OTOF: variants seen among roughly 807,000 people sequenced by gnomAD.
OTOF encodes fer-1-like family member 2.
A neutral mutation model predicts 236.8 loss-of-function variants in OTOF; 218 were observed. The observed-to-expected ratio is 0.92, with a 90% CI of 0.82 to 1.03. The LOEUF (loss-of-function observed/expected upper bound fraction) is 1.03. Among genes scored for constraint, OTOF ranks in the 50% least tolerant of loss-of-function variants. OTOF has a pLI of 0.00. For missense variants in OTOF, 2,590 were observed against 2,694.4 expected, an observed-to-expected ratio of 0.96 and a Z score of 0.86; for synonymous variants, 1,041 against 1,072.5, an observed-to-expected ratio of 0.97 and a Z score of 0.57.
chr2:26,527,796 C>G, intron 3 of OTOF, 36 bp downstream of exon 3: 1 of 1,491,464 alleles, frequency 6.7e-7, no homozygotes, highest in Non-Finnish European at 9.4e-7. Context: ...CCCAGCCCGT[C>G]CAGGCCCAGC....
rs746103191 is a variant in OTOF at position 26,477,534 on chromosome 2, C to T, written c.2316-28G>A. On this transcript the variant is annotated intron_variant, in intron 19 of 46. Coordinates refer to ENST00000272371, the MANE Select transcript of OTOF (RefSeq NM_194248.3). The surrounding 1 kb of genome is among the most constrained non-coding windows in gnomAD (Gnocchi z 4.7). ...GGGGGTAGGGCGAGCCGGGGTTTAGCGAGCCTGACCAGCAGGGGCTCTGTA... is the reference window on the plus strand; with the variant it reads ...GGGGGTAGGGCGAGCCGGGGTTTAGTGAGCCTGACCAGCAGGGGCTCTGTA... 11 of 1,595,796 alleles carry T rather than the reference C, an allele frequency of 6.9e-6. No homozygotes were observed. The highest frequency in any genetic ancestry group is 4.5e-5 in the East Asian group (2 of 44,246).
intron 3 of OTOF, among the ~76,000 whole-genome samples, chr2:26,521,386 G>A (rs1666673549): frequency 6.6e-6 from 1 of 152,180 alleles, no homozygotes; most frequent in Non-Finnish European, 1.5e-5. Flanking sequence ...ACACTCCCAG[G>A]GGGCAGGGTG....
rs754744747 is a variant in OTOF at position 26,470,051 on chromosome 2, G to A, written c.4023+542C>T. On this transcript the variant is annotated intron_variant, in intron 32 of 46. Transcript: ENST00000272371. The surrounding 1 kb of genome is among the most constrained non-coding windows in gnomAD (Gnocchi z 4.3). Reference sequence around the variant, plus strand: ...GTGTAATAGGGGAAGAATCATTCACGTGCCGATGACCAAGATGTGTAAAAT... The same window carrying A: ...GTGTAATAGGGGAAGAATCATTCACATGCCGATGACCAAGATGTGTAAAAT... Among the ~76,000 whole-genome samples, 1 of 152,212 alleles carries A rather than the reference G, an allele frequency of 6.6e-6. No homozygotes were observed. Among genetic ancestry groups the A allele is most frequent in the African/African-American group, 2.4e-5 (1 of 41,454 alleles).
chr2:26,463,907 T>C (rs926293878), intron 40 of OTOF, 57 bp downstream of exon 40: 2 of 1,609,668 alleles, frequency 1.2e-6, no homozygotes, highest in African/African-American at 2.7e-5. Context: ...TGACTCAGGT[T>C]GGGGATCCCT....
chr2:26,516,386 C>G, intron 5 of OTOF, 32 bp downstream of exon 5: 3 of 1,600,572 alleles, frequency 1.9e-6, no homozygotes, highest in Non-Finnish European at 2.6e-6. Context: ...GTCTTGGGAG[C>G]AGTGGGCAGC....
At chr2:26,539,804 A>G (rs2148125071) in intron 1 of OTOF, among the ~76,000 whole-genome samples, 1 of 152,320 alleles carries the variant, frequency 6.6e-6, no homozygotes. Context: ...AAGATATTGA[A>G]AGCAGCATAC....
At chr2:26,494,664 G>GC (rs1360113510) in intron 9 of OTOF, among the ~76,000 whole-genome samples, 7 of 115,766 alleles carry the variant, frequency 6.0e-5, no homozygotes, top group African/African-American at 1.9e-4. Context: ...GGTGGGGGGG[G>GC]GTTCTTTCAC....
At chr2:26,480,346 G>C (rs1665498721) in intron 15 of OTOF, 35 bp from the exon 16 acceptor site, 1 of 1,301,560 alleles carries the variant, frequency 7.7e-7, no homozygotes, top group South Asian at 1.2e-5. Context: ...TCCTGAGCTT[G>C]AGTAAGGGTG....
chr2:26,461,857 CA>C lies in OTOF; in HGVS notation c.5371del (p.Trp1791GlyfsTer61). 2.5e-6 allele frequency: 4 copies of C among 1,614,190 alleles called. No homozygotes were observed. Among genetic ancestry groups the C allele is most frequent in the Non-Finnish European group, 3.4e-6 (4 of 1,180,032 alleles). Reference protein sequence around the residue: ...HSLTGEGNFNWRYLFPFDYLA... With the variant: ...HSLTGEGNFNXRYLFPFDYLA... The stretch of plus-strand genomic sequence containing the variant: ...GTAGTCGAAGGGGAACAGGTAGCGC[CA>C]GTTGAAGTTGCCCTCGCCAGTGAGG... On this transcript the variant is annotated frameshift_variant, in exon 43 of 47. Transcript: ENST00000272371. LOFTEE classifies it high-confidence loss of function. This position sits in a 1 kb window ranked among gnomAD's most constrained non-coding sequence, Gnocchi z 6.2.
intron 11 of OTOF, 121 bp downstream of exon 11, chr2:26,489,090 G>T (rs1239944041): frequency 6.7e-6 from 5 of 748,570 alleles, no homozygotes; most frequent in Non-Finnish European, 1.2e-5. Context: ...TGTACTAACA[G>T]TCGCCAGACT....
Position 26,555,709 on chromosome 2 carries a change from T to A in OTOF, c.79+2784A>T, listed in dbSNP as rs1369431592. Among the ~76,000 whole-genome samples, 3 of 152,208 alleles carry A rather than the reference T, an allele frequency of 2.0e-5. No individual in the cohort carries two copies. The East Asian group carries it at 5.8e-4, about 29-fold the overall frequency. ...GGCTCTCTGCCTTCTCCTGGCAGAC[T>A]GGAACCCCTTAGACGTGCTCTCCTC... On this transcript the variant is annotated intron_variant, in intron 1 of 46. Coordinates refer to ENST00000272371, the MANE Select transcript of OTOF (RefSeq NM_194248.3).
intron 25 of OTOF, 110 bp downstream of exon 25, chr2:26,475,249 C>G: frequency 7.9e-7 from 1 of 1,261,996 alleles, no homozygotes; most frequent in Non-Finnish European, 1.2e-6. Context: ...CCAAGGAGCT[C>G]TGCAGGTGGG....
Position 26,470,214 on chromosome 2 carries a change from C to T in OTOF, c.4023+379G>A, listed in dbSNP as rs1225142941. ...CCTGATTCCCCCAAGCCATGATTTGCCTTTGTTATCACATAGTCCTCTCTA... is the reference window on the plus strand; with the variant it reads ...CCTGATTCCCCCAAGCCATGATTTGTCTTTGTTATCACATAGTCCTCTCTA... On this transcript the variant is annotated intron_variant, in intron 32 of 46. Transcript: ENST00000272371. This position sits in a 1 kb window ranked among gnomAD's most constrained non-coding sequence, Gnocchi z 4.3. Among the ~76,000 whole-genome samples the T allele has an allele frequency of 6.6e-6, 1 of 152,150 alleles. No homozygotes were observed. Among genetic ancestry groups the T allele is most frequent in the Non-Finnish European group, 1.5e-5 (1 of 68,042 alleles).
rs1277164951 is a variant in OTOF, at chr2:26,470,694, T to TTCTTCTTCTC, written c.3921_3922insGAGAAGAAGA (p.Lys1308GlufsTer33). 1 of 1,613,816 alleles carries TTCTTCTTCTC rather than the reference T, an allele frequency of 6.2e-7. No individual in the cohort carries two copies. The highest frequency in any genetic ancestry group is 1.7e-5 in the Admixed American group (1 of 60,016). ...GGCTCCTCCGCAGTGCCCTTCTTCTTCTTCTTCTTCTCCTTCTCCTCCTCA... is the reference window on the plus strand; with the variant it reads ...GGCTCCTCCGCAGTGCCCTTCTTCTTTCTTCTTCTCCTTCTTCTTCTCCTTCTCCTCCTCA... On this transcript the variant is annotated frameshift_variant, in exon 32 of 47. Transcript: ENST00000272371. LOFTEE classifies it high-confidence loss of function. This position sits in a 1 kb window ranked among gnomAD's most constrained non-coding sequence, Gnocchi z 4.3.
intron 30 of OTOF, among the ~76,000 whole-genome samples, chr2:26,471,533 C>T (rs1409254390): frequency 6.6e-6 from 1 of 152,208 alleles, no homozygotes; most frequent in Non-Finnish European, 1.5e-5. Flanking sequence ...CCTGGAAATC[C>T]TCCTCTGACC....
chr2:26,473,879 G>T lies in OTOF; in HGVS notation c.3408+112C>A, dbSNP rs1345925534. Reference sequence around the variant, plus strand: ...GCCCTGGGCTGGGGCAGGAGCCTGGGTCTGCTGCTGGCTCCTGGTGATGGT... The same window carrying T: ...GCCCTGGGCTGGGGCAGGAGCCTGGTTCTGCTGCTGGCTCCTGGTGATGGT... On this transcript the variant is annotated intron_variant, in intron 27 of 46. Transcript: ENST00000272371. This position sits in a 1 kb window ranked among gnomAD's most constrained non-coding sequence, Gnocchi z 7.2. 1.4e-6 allele frequency: 2 copies of T among 1,420,238 alleles called. No homozygotes were observed. The highest frequency in any genetic ancestry group is 2.0e-6 in the Non-Finnish European group (2 of 1,007,294). The allele number at this position is 1,420,238 out of a possible 1,614,324, so 88.0% of individuals were successfully genotyped here. A position where few individuals can be genotyped will look rare whatever the true frequency, so the allele number is the denominator to read the frequency against.
At chr2:26,510,756 A>G (rs1666365470) in intron 5 of OTOF, 1 of 1,288,604 alleles carries the variant, frequency 7.8e-7, no homozygotes, top group South Asian at 1.2e-5. Flanking sequence ...TTTGCTGAGT[A>G]GGGGGAAGAA....
At position 26,470,570 on chromosome 2, in the gene OTOF, C is replaced by T. The variant is rs991946473; in HGVS notation, c.4023+23G>A. The T allele has an allele frequency of 6.8e-6, 11 of 1,613,534 alleles. No homozygotes were observed. The highest frequency in any genetic ancestry group is 9.3e-6 in the Non-Finnish European group (11 of 1,179,602). ...TCTGAGTGTGGAGGGGGTCACCTCCCCTCACCCTACCCGAGGTCTCACCTC... is the reference window on the plus strand; with the variant it reads ...TCTGAGTGTGGAGGGGGTCACCTCCTCTCACCCTACCCGAGGTCTCACCTC... On this transcript the variant is annotated intron_variant, in intron 32 of 46. Transcript: ENST00000272371. The surrounding 1 kb of genome is among the most constrained non-coding windows in gnomAD (Gnocchi z 4.3).
chr2:26,471,191 G>C, intron 30 of OTOF, 41 bp from the exon 31 acceptor site: 1 of 1,611,196 alleles, frequency 6.2e-7, no homozygotes, highest in Non-Finnish European at 8.5e-7. Context: ...ATCAGCCACT[G>C]GGGCCTGGAG....
Sources: gnomAD v4.1 joint callset for allele counts (sites outside exome capture counted in the v4.1 genomes callset) on GRCh38, gnomAD v4.1.1 for gene constraint, Gnocchi (gnomAD v3.1) non-coding constraint, MANE v1.5 for transcripts, NCBI Gene and HGNC (gene_info 2026-07-23, HGNC 2026-07-21) for gene names.